The following IGF2 variants were observed in gnomAD, a reference collection of about 807,000 sequenced individuals.
IGF2 encodes insulin-like growth factor 2.
Under a neutral mutation model 12.0 loss-of-function variants are expected in IGF2, and 2 were observed. That is an observed-to-expected ratio of 0.17 (90% CI 0.07 to 0.52). The LOEUF is 0.52. Among genes scored for constraint, IGF2 ranks in the 20% least tolerant of loss-of-function variants. The pLI is 0.95. For missense variants in IGF2, 211 were observed against 268.0 expected (o/e 0.79, Z 1.48); for synonymous variants, 105 against 110.1 (o/e 0.95, Z 0.29).
upstream of IGF2, chr11:2,141,043 G>C: frequency 4.1e-6 from 1 of 241,698 alleles, no homozygotes; most frequent in Non-Finnish European, 8.3e-6. Context: ...GGGAGACTGG[G>C]GGCAATGCCC....
the IGF2 span, chr11:2,149,386 A>G: frequency 2.4e-3 from 3,731 of 1,539,872 alleles, 13 homozygotes; most frequent in Non-Finnish European, 2.4e-3. Context: ...GCATGTTAAT[A>G]CGGCCCCTAC....
chr11:2,139,070 GGGT>G lies in IGF2; in HGVS notation c.-851_-849del. 1 of 273,082 alleles carries G rather than the reference GGGT, an allele frequency of 3.7e-6. No homozygotes were observed. The highest frequency in any genetic ancestry group is 5.6e-6 in the Non-Finnish European group (1 of 179,312). The allele number at this position is 273,082 out of a possible 1,614,324, so 16.9% of individuals were successfully genotyped here. The stretch of plus-strand genomic sequence containing the variant: ...AGGGCTGGAGGGGGAGCGCGGGGGG[GGGT>G]GACAACGCCGGCGGCCTGCGAGCCG... On this transcript the variant is annotated 5_prime_UTR_variant, in exon 1 of 4. Coordinates refer to ENST00000416167, the MANE Select transcript of IGF2 (RefSeq NM_000612.6).
At chr11:2,145,926 C>G (rs1450467232), upstream of IGF2, among the ~76,000 whole-genome samples, 3 of 152,080 alleles carry the variant, frequency 2.0e-5, no homozygotes, top group African/African-American at 7.2e-5. Context: ...TTCCAGCCCC[C>G]GGAGGTAGGA....
At position 2,129,733 on chromosome 11, in the gene IGF2, C is replaced by T. The variant is rs1293772098; in HGVS notation, c.*3254G>A. The T allele has an allele frequency of 8.6e-6, 2 of 231,804 alleles. No individual in the cohort carries two copies. Among genetic ancestry groups the T allele is most frequent in the Non-Finnish European group, 1.7e-5 (2 of 117,106 alleles). The allele number at this position is 231,804 out of a possible 1,614,324, so 14.4% of individuals were successfully genotyped here. A position where few individuals can be genotyped will look rare whatever the true frequency, so the allele number is the denominator to read the frequency against. On this transcript the variant is annotated 3_prime_UTR_variant, in exon 4 of 4. Coordinates refer to ENST00000416167, the MANE Select transcript of IGF2 (RefSeq NM_000612.6). This position sits in a 1 kb window ranked among gnomAD's most constrained non-coding sequence, Gnocchi z 8.1. ...ACGACCCCCGGGGTCATGCCAGCCC[C>T]GTCACCAGGACCCAGAAGCCTCAGG...
In IGF2 at chr11:2,139,040, G is replaced by A. The variant is rs1438559282; in HGVS notation, c.-818C>T. The stretch of plus-strand genomic sequence containing the variant: ...GGGAGCGGCCCGAGGCTGCGCGCCG[G>A]GGGGAGGGCTGGAGGGGGAGCGCGG... On this transcript the variant is annotated 5_prime_UTR_variant, in exon 1 of 4. Transcript: ENST00000416167. 9 of 838,028 alleles carry A rather than the reference G, an allele frequency of 1.1e-5. No individual in the cohort carries two copies. The highest frequency in any genetic ancestry group is 4.0e-5 in the African/African-American group (2 of 50,464). 51.9% of individuals were successfully genotyped at this position (838,028 alleles called of 1,614,324 possible).
the IGF2 span, chr11:2,148,798 G>T: frequency 2.9e-6 from 1 of 340,136 alleles, no homozygotes; most frequent in East Asian, 5.7e-5. This position sits in a 1 kb window ranked among gnomAD's most constrained non-coding sequence, Gnocchi z 4.3. Flanking sequence ...GTGTGTTCCC[G>T]CTGGGAAGAG....
chr11:2,138,616 C>A lies in IGF2; in HGVS notation c.-394G>T. 1.0e-6 allele frequency: 1 copy of A among 980,436 alleles called. No homozygotes were observed. Among genetic ancestry groups the A allele is most frequent in the South Asian group, 4.7e-5 (1 of 21,058 alleles). The allele number at this position is 980,436 out of a possible 1,614,324, so 60.7% of individuals were successfully genotyped here. On this transcript the variant is annotated 5_prime_UTR_variant, in exon 1 of 4. Coordinates refer to ENST00000416167, the MANE Select transcript of IGF2 (RefSeq NM_000612.6). Reference sequence around the variant, plus strand: ...GAGAGGACAGCGAGAGGCGGGCAGGCGCACAGCGGGAGAGAACAGCACGGA... The same window carrying A: ...GAGAGGACAGCGAGAGGCGGGCAGGAGCACAGCGGGAGAGAACAGCACGGA...
chr11:2,149,191 A>G, the IGF2 span: 3 of 1,613,406 alleles, frequency 1.9e-6, no homozygotes, highest in South Asian at 2.2e-5. Flanking sequence ...CCGGGGAGTC[A>G]CTGGTGCCCA....
At chr11:2,149,489 T>A in the IGF2 span, 1 of 733,800 alleles carries the variant, frequency 1.4e-6, no homozygotes, top group Non-Finnish European at 2.2e-6. Context: ...TCCCCTCCAC[T>A]CGTTTCCCTG....
chr11:2,149,348 G>A, the IGF2 span: 1 of 1,609,784 alleles, frequency 6.2e-7, no homozygotes, highest in Non-Finnish European at 8.5e-7. Flanking sequence ...AGCTGAGGCT[G>A]GAGAAACGAA....
the IGF2 span, chr11:2,149,224 G>A: frequency 6.8e-6 from 11 of 1,613,446 alleles, no homozygotes; most frequent in East Asian, 2.5e-4. Context: ...GAAACTGCCT[G>A]GACGATGATC....
In IGF2 at chr11:2,130,588, C is replaced by CAAAAAAAAAA. The variant is rs770477972; in HGVS notation, c.*2389_*2398dup. On this transcript the variant is annotated 3_prime_UTR_variant, in exon 4 of 4. Coordinates refer to ENST00000416167, the MANE Select transcript of IGF2 (RefSeq NM_000612.6). ...AAGCTAAGGAGGGGTAAAAAAAAAACAAAAAAAAAAAAAAAAGGAAAAATG... is the reference window on the plus strand; with the variant it reads ...AAGCTAAGGAGGGGTAAAAAAAAAACAAAAAAAAAAAAAAAAAAAAAAAAAAGGAAAAATG... 1.1e-5 allele frequency: 1 copy of CAAAAAAAAAA among 92,148 alleles called. No homozygotes were observed. 5.7% of individuals were successfully genotyped at this position (92,148 alleles called of 1,614,324 possible). A position where few individuals can be genotyped will look rare whatever the true frequency, so the allele number is the denominator to read the frequency against.
At position 2,131,960 on chromosome 11, in the gene IGF2, G is replaced by A. The variant is rs1858627600; in HGVS notation, c.*1027C>T. 1 of 168,104 alleles carries A rather than the reference G, an allele frequency of 5.9e-6. No homozygotes were observed. The highest frequency in any genetic ancestry group is 1.2e-5 in the Non-Finnish European group (1 of 85,728). 10.4% of individuals were successfully genotyped at this position (168,104 alleles called of 1,614,324 possible). A position where few individuals can be genotyped will look rare whatever the true frequency, so the allele number is the denominator to read the frequency against. ...TGTGTGTGCCGTGCGTTTGTGTGCT[G>A]TGTGTGCATGTGTGTGCGTGTGTGT... On this transcript the variant is annotated 3_prime_UTR_variant, in exon 4 of 4. Transcript: ENST00000416167.
Position 2,138,515 on chromosome 11 carries a change from GGATAGAGGGGGGCAGA to G in IGF2, c.-309_-294del. On this transcript the variant is annotated 5_prime_UTR_variant, in exon 1 of 4. Coordinates refer to ENST00000416167, the MANE Select transcript of IGF2 (RefSeq NM_000612.6). ...GAAATGAGGTCAGCTGTTGTATCAA[GGATAGAGGGGGGCAGA>G]GATAGTGGGAGAGACAGAGTGAACG... is the stretch of plus-strand genomic sequence containing the variant. The G allele has an allele frequency of 1.2e-6, 1 of 838,438 alleles. No individual in the cohort carries two copies. 51.9% of individuals were successfully genotyped at this position (838,438 alleles called of 1,614,324 possible). A position where few individuals can be genotyped will look rare whatever the true frequency, so the allele number is the denominator to read the frequency against.
At chr11:2,146,061 C>T (rs752616914), upstream of IGF2, among the ~76,000 whole-genome samples, 3 of 152,134 alleles carry the variant, frequency 2.0e-5, no homozygotes, top group Non-Finnish European at 4.4e-5. Context: ...AGCACCTCAC[C>T]AGGGCAACGC....
intron 1 of IGF2, chr11:2,137,299 C>G: frequency 1.0e-6 from 1 of 984,656 alleles, no homozygotes. Flanking sequence ...GCAGGCTGGT[C>G]AGTGCCTCAG....
At position 2,131,884 on chromosome 11, in the gene IGF2, G is replaced by A. The variant is rs1214909975; in HGVS notation, c.*1103C>T. ...TGCTGTGTGTGCGTGTGTGCTGTGC[G>A]TTTGTGTGTGCTGTGCGTTTGTGTG... On this transcript the variant is annotated 3_prime_UTR_variant, in exon 4 of 4. Transcript: ENST00000416167. The A allele has an allele frequency of 5.1e-4, 82 of 161,810 alleles. No homozygotes were observed. The highest frequency in any genetic ancestry group is 2.3e-3 in the African/African-American group (64 of 28,280). The allele number at this position is 161,810 out of a possible 1,614,324, so 10.0% of individuals were successfully genotyped here.
At position 2,130,169 on chromosome 11, in the gene IGF2, C is replaced by A. The variant is rs923224306; in HGVS notation, c.*2818G>T. On this transcript the variant is annotated 3_prime_UTR_variant, in exon 4 of 4. Coordinates refer to ENST00000416167, the MANE Select transcript of IGF2 (RefSeq NM_000612.6). ...AACCCTCTGTTTACACACCTGCTAG[C>A]CCCTTCCCCTCCGGCCAGCCTCAGG... The A allele has an allele frequency of 2.2e-5, 5 of 231,060 alleles. No individual in the cohort carries two copies. The highest frequency in any genetic ancestry group is 4.3e-5 in the Non-Finnish European group (5 of 116,860). The allele number at this position is 231,060 out of a possible 1,614,324, so 14.3% of individuals were successfully genotyped here. A position where few individuals can be genotyped will look rare whatever the true frequency, so the allele number is the denominator to read the frequency against.
At position 2,132,068 on chromosome 11, in the gene IGF2, T is replaced by TGCTGTGCTCGTGTGTGA; in HGVS notation, c.*918_*919insTCACACACGAGCACAGC. On this transcript the variant is annotated 3_prime_UTR_variant, in exon 4 of 4. Transcript: ENST00000416167. ...TGTGTGTGTGCTGTGCTCGTGTGTG[T>TGCTGTGCTCGTGTGTGA]GCTGTGTTCATGCGTGTGCTGTGTG... 1 of 213,732 alleles carries TGCTGTGCTCGTGTGTGA rather than the reference T, an allele frequency of 4.7e-6. No individual in the cohort carries two copies. The highest frequency in any genetic ancestry group is 9.5e-6 in the Non-Finnish European group (1 of 105,646). 13.2% of individuals were successfully genotyped at this position (213,732 alleles called of 1,614,324 possible). A position where few individuals can be genotyped will look rare whatever the true frequency, so the allele number is the denominator to read the frequency against.
Sources: allele counts gnomAD v4.1 joint callset (sites outside exome capture counted in the v4.1 genomes callset), GRCh38; gene constraint gnomAD v4.1.1; non-coding constraint Gnocchi (gnomAD v3.1); transcripts MANE v1.5; gene names NCBI Gene and HGNC (gene_info 2026-07-23, HGNC 2026-07-21).